MARCHF1: variants seen among roughly 807,000 people sequenced by gnomAD.
The protein encoded by MARCHF1 is E3 ubiquitin-protein ligase MARCHF1.
A neutral mutation model predicts 54.2 loss-of-function variants in MARCHF1; 40 were observed. The observed-to-expected ratio is 0.74, with a 90% confidence interval of 0.57 to 0.96. The LOEUF is 0.96. Ranked by LOEUF, MARCHF1 falls within the 40% of genes least tolerant of loss-of-function variation. The pLI is 0.00. For missense variants in MARCHF1, 586 were observed against 656.5 expected (o/e 0.89, Z 1.17); for synonymous variants, 236 against 236.3 (o/e 1.00, Z 0.01).
At chr4:163,684,432 G>C (rs1744205044) in intron 5 of MARCHF1, among the ~76,000 whole-genome samples, 2 of 152,124 alleles carry the variant, frequency 1.3e-5, no homozygotes. Context: ...TGCCTCAAAA[G>C]AAAGCCAGCA....
intron 3 of MARCHF1, 61 bp from the exon 4 acceptor site, chr4:163,854,230 C>T (rs1276718038): frequency 8.1e-7 from 1 of 1,232,644 alleles, no homozygotes; most frequent in African/African-American, 1.5e-5. Flanking sequence ...TTGGAAAATA[C>T]ATATAATCAA....
At chr4:164,214,882 C>T (rs896497642) in intron 1 of MARCHF1, among the ~76,000 whole-genome samples, 1 of 152,116 alleles carries the variant, frequency 6.6e-6, no homozygotes, top group Non-Finnish European at 1.5e-5. Context: ...TTCCCTTGTC[C>T]CCCTTGCAGG....
At chr4:163,546,568 A>G (rs1738913777) in intron 8 of MARCHF1, among the ~76,000 whole-genome samples, 3 of 152,336 alleles carry the variant, frequency 2.0e-5, no homozygotes, top group Middle Eastern at 3.4e-3. Flanking sequence ...GAATGACCGA[A>G]TGATACCTGC....
At chr4:163,968,156 G>A (rs758336008) in intron 3 of MARCHF1, among the ~76,000 whole-genome samples, 1 of 152,078 alleles carries the variant, frequency 6.6e-6, no homozygotes, top group Non-Finnish European at 1.5e-5. Flanking sequence ...CAAGATCAAA[G>A]TCAGGAATTT....
intron 4 of MARCHF1, among the ~76,000 whole-genome samples, chr4:163,806,718 C>T (rs560170405): frequency 4.6e-5 from 7 of 152,188 alleles, no homozygotes; most frequent in African/African-American, 1.7e-4. Flanking sequence ...GGAAAAGCAT[C>T]CTGGTGGCAT....
intron 1 of MARCHF1, among the ~76,000 whole-genome samples, chr4:164,373,502 G>A (rs955188820): frequency 3.3e-5 from 5 of 151,574 alleles, no homozygotes; most frequent in Non-Finnish European, 7.4e-5. Flanking sequence ...TTACAGGTGT[G>A]AGCCACCATG....
intron 3 of MARCHF1, among the ~76,000 whole-genome samples, chr4:163,863,379 A>C (rs762560682): frequency 7.2e-5 from 11 of 152,062 alleles, no homozygotes; most frequent in Non-Finnish European, 1.5e-4. Context: ...ATGGTCCCCT[A>C]TGGAGGTATG....
intron 9 of MARCHF1, among the ~76,000 whole-genome samples, chr4:163,541,980 T>A (rs1293671335): frequency 6.6e-6 from 1 of 152,276 alleles, no homozygotes; most frequent in South Asian, 2.1e-4. Context: ...GGTTTCCATT[T>A]GAAATTACCC....
chr4:163,849,007 A>ATT (rs1749569414), intron 4 of MARCHF1, among the ~76,000 whole-genome samples: 3 of 152,196 alleles, frequency 2.0e-5, no homozygotes, highest in African/African-American at 7.2e-5. Flanking sequence ...TTATAAAGGA[A>ATT]AGATCCTATT....
At chr4:163,864,103 G>A (rs1405048897) in intron 3 of MARCHF1, among the ~76,000 whole-genome samples, 2 of 151,890 alleles carry the variant, frequency 1.3e-5, no homozygotes, top group South Asian at 2.1e-4. Flanking sequence ...AAAAGTGGAG[G>A]AGAAACATAA....
At chr4:164,274,662 T>C (rs28433717) in intron 1 of MARCHF1, among the ~76,000 whole-genome samples, 15,755 of 64,622 alleles carry the variant, frequency 0.24, 2,118 homozygotes, top group African/African-American at 0.54. Flanking sequence ...GGGTACACTT[T>C]TTTTTTTTTT....
At chr4:163,699,975 T>A (rs966243233) in intron 5 of MARCHF1, among the ~76,000 whole-genome samples, 5 of 151,408 alleles carry the variant, frequency 3.3e-5, no homozygotes, top group Admixed American at 6.6e-5. Flanking sequence ...TTTTTTTTTT[T>A]AATCCACTGA....
chr4:163,844,678 A>G (rs1396847594), intron 4 of MARCHF1, among the ~76,000 whole-genome samples: 3 of 152,202 alleles, frequency 2.0e-5, no homozygotes, highest in Non-Finnish European at 2.9e-5. Flanking sequence ...CTGAATGAGA[A>G]TATAGCCAAT....
chr4:163,557,774 T>C (rs978612486), intron 8 of MARCHF1, among the ~76,000 whole-genome samples: 1 of 152,204 alleles, frequency 6.6e-6, no homozygotes, highest in Non-Finnish European at 1.5e-5. Context: ...TAAATCTTCA[T>C]GTTGAATACT....
chr4:163,559,095 C>T (rs76602214), intron 8 of MARCHF1, among the ~76,000 whole-genome samples: 5,368 of 152,214 alleles, frequency 0.035, 321 homozygotes, highest in East Asian at 0.2. Context: ...CCTATAGCCC[C>T]CTTCCCTTCA....
chr4:163,599,891 T>C (rs1445992945), intron 7 of MARCHF1, among the ~76,000 whole-genome samples: 4 of 152,214 alleles, frequency 2.6e-5, no homozygotes, highest in African/African-American at 7.2e-5. Context: ...CAATTTTCCA[T>C]ACCAATGAGA....
chr4:163,640,954 G>T (rs929104323), intron 5 of MARCHF1, among the ~76,000 whole-genome samples: 2 of 151,672 alleles, frequency 1.3e-5, no homozygotes, highest in African/African-American at 4.8e-5. Context: ...ATAAGATAAA[G>T]AATTAAAAAA....
chr4:164,142,242 G>C (rs776328579), intron 1 of MARCHF1, among the ~76,000 whole-genome samples: 5 of 152,204 alleles, frequency 3.3e-5, no homozygotes, highest in South Asian at 2.1e-4. Context: ...GCCAGGCTTG[G>C]GGAGGGGCAC....
intron 3 of MARCHF1, among the ~76,000 whole-genome samples, chr4:163,875,465 G>T (rs962187836): frequency 1.3e-5 from 2 of 151,946 alleles, no homozygotes; most frequent in African/African-American, 4.8e-5. Context: ...CAATATGAAA[G>T]AAAATCCACT....
Sources: gnomAD v4.1 joint callset for allele counts (sites outside exome capture counted in the v4.1 genomes callset) on GRCh38, gnomAD v4.1.1 for gene constraint, MANE v1.5 for transcripts, NCBI Gene and HGNC (gene_info 2026-07-23, HGNC 2026-07-21) for gene names.